Variants in COL15A1 observed in about 807,000 individuals in gnomAD.
The protein encoded by COL15A1 is collagen type XV alpha 1 chain, also known as collagen alpha-1(XV) chain.
A neutral mutation model predicts 165.9 loss-of-function variants in COL15A1; 111 were observed. The observed-to-expected ratio is 0.67, with a 90% CI of 0.57 to 0.78. The LOEUF (loss-of-function observed/expected upper bound fraction) is 0.78. Among genes scored for constraint, COL15A1 ranks in the 30% least tolerant of loss-of-function variants. The probability of loss-of-function intolerance (pLI) is 0.00; values close to 1 mark genes in which losing one functional copy is unlikely to be tolerated. For synonymous variants in COL15A1, 659 were observed against 674.8 expected (o/e 0.98, Z 0.36); for missense variants, 1,745 against 1,789.7 (o/e 0.98, Z 0.45).
At chr9:98,996,333 CT>C (rs890648738) in intron 5 of COL15A1, among the ~76,000 whole-genome samples, 5 of 152,150 alleles carry the variant, frequency 3.3e-5, no homozygotes, top group Non-Finnish European at 5.9e-5. Flanking sequence ...GATGCTGTGA[CT>C]TTTGGAGCCC....
At chr9:99,023,334 G>A (rs548959271) in intron 13 of COL15A1, 23 bp from the exon 14 acceptor site, 14 of 1,582,952 alleles carry the variant, frequency 8.8e-6, no homozygotes, top group Non-Finnish European at 1.2e-5. Flanking sequence ...AATGCAAGTA[G>A]TGGAAATTTC....
chr9:99,065,812 G>C (rs1825883054), intron 39 of COL15A1, among the ~76,000 whole-genome samples: 1 of 151,446 alleles, frequency 6.6e-6, no homozygotes, highest in African/African-American at 2.4e-5. Context: ...GGGCTGCTTG[G>C]GGCCAGTCTG....
chr9:99,020,526 T>C, intron 12 of COL15A1, 84 bp downstream of exon 12: 1 of 967,286 alleles, frequency 1.0e-6, no homozygotes. Flanking sequence ...TTTAGCCCAC[T>C]CTGATCAAGG....
intron 19 of COL15A1, among the ~76,000 whole-genome samples, chr9:99,035,929 T>A (rs1839292994): frequency 6.6e-6 from 1 of 152,116 alleles, no homozygotes; most frequent in Non-Finnish European, 1.5e-5. Context: ...AGCCCTTCAG[T>A]CTAGCACAGA....
intron 7 of COL15A1, among the ~76,000 whole-genome samples, chr9:99,002,453 G>C (rs1401652885): frequency 6.6e-6 from 1 of 152,156 alleles, no homozygotes; most frequent in African/African-American, 2.4e-5. Context: ...AGGAATTCTT[G>C]CTCTCCAGGC....
At chr9:99,046,849 C>T (rs1003125637) in intron 26 of COL15A1, among the ~76,000 whole-genome samples, 1 of 152,186 alleles carries the variant, frequency 6.6e-6, no homozygotes, top group Non-Finnish European at 1.5e-5. Flanking sequence ...TGGCCTGTGC[C>T]CTGTCAACCC....
chr9:99,022,417 T>C (rs144791148), intron 13 of COL15A1, among the ~76,000 whole-genome samples: 46 of 152,258 alleles, frequency 3.0e-4, no homozygotes, highest in African/African-American at 1.0e-3. Context: ...CAGACCTGCT[T>C]CTCCTCCTGG....
intron 5 of COL15A1, among the ~76,000 whole-genome samples, chr9:98,992,579 C>A (rs529790893): frequency 6.6e-6 from 1 of 152,384 alleles, no homozygotes; most frequent in East Asian, 1.9e-4. Flanking sequence ...CTGAAGGGCT[C>A]CTCAGGTGTG....
chr9:98,956,165 G>T (rs1419107935), intron 2 of COL15A1, among the ~76,000 whole-genome samples: 1 of 152,196 alleles, frequency 6.6e-6, no homozygotes, highest in Non-Finnish European at 1.5e-5. Flanking sequence ...AATTAGCTGG[G>T]CGTGGTGGTG....
At chr9:99,048,935 G>A (rs1336223064) in intron 28 of COL15A1, among the ~76,000 whole-genome samples, 1 of 152,028 alleles carries the variant, frequency 6.6e-6, no homozygotes, top group Non-Finnish European at 1.5e-5. Context: ...GCTTCTGTTT[G>A]TGCCACACTG....
chr9:98,946,720 T>C (rs1837590263), intron 2 of COL15A1, among the ~76,000 whole-genome samples: 1 of 152,192 alleles, frequency 6.6e-6, no homozygotes, highest in South Asian at 2.1e-4. Context: ...ACCAGCAGTG[T>C]TTTAAGTGCC....
intron 30 of COL15A1, among the ~76,000 whole-genome samples, chr9:99,051,621 G>A (rs1839589560): frequency 6.6e-6 from 1 of 152,152 alleles, no homozygotes; most frequent in Admixed American, 6.5e-5. Flanking sequence ...ACTTAGAAAT[G>A]TTTTTCCTGG....
At chr9:99,012,212 G>A (rs2118979909) in intron 9 of COL15A1, among the ~76,000 whole-genome samples, 2 of 152,298 alleles carry the variant, frequency 1.3e-5, no homozygotes, top group Middle Eastern at 3.4e-3. Context: ...AACTTGAAAA[G>A]CATTTGGGTT....
intron 2 of COL15A1, among the ~76,000 whole-genome samples, chr9:98,968,227 C>T (rs925966055): frequency 6.6e-6 from 1 of 152,218 alleles, no homozygotes; most frequent in Admixed American, 6.5e-5. Flanking sequence ...CACTTGCAAT[C>T]GTGCTTGGAC....
chr9:99,068,821 C>T, intron 41 of COL15A1, 151 bp downstream of exon 41: 1 of 543,516 alleles, frequency 1.8e-6, no homozygotes, highest in Non-Finnish European at 3.2e-6. Flanking sequence ...AAGCCTTGTC[C>T]TTGGAGTCAG....
At position 99,006,726 on chromosome 9, in the gene COL15A1, C is replaced by T. The variant is rs996682710; in HGVS notation, c.1353+1676C>T. Among the ~76,000 whole-genome samples the T allele has an allele frequency of 2.4e-4, 36 of 152,104 alleles. 1 individual carries two copies. Among genetic ancestry groups the T allele is most frequent in the Admixed American group, 2.3e-3 (35 of 15,270 alleles). On this transcript the variant is annotated intron_variant, in intron 9 of 41. Transcript: ENST00000375001. ...CCTTTCTTTAATGTCTAGGCACTTA[C>T]GACAGAGTGGGAAAGCCAGGGATCA... is the stretch of plus-strand genomic sequence containing the variant.
chr9:98,973,758 G>A (rs780612820), intron 2 of COL15A1, among the ~76,000 whole-genome samples: 3 of 152,220 alleles, frequency 2.0e-5, no homozygotes, highest in Non-Finnish European at 4.4e-5. Context: ...GGTTTGTCCC[G>A]GCCCCTGTTG....
chr9:98,960,197 C>G (rs1393332678), intron 2 of COL15A1, among the ~76,000 whole-genome samples: 1 of 151,966 alleles, frequency 6.6e-6, no homozygotes, highest in Non-Finnish European at 1.5e-5. Context: ...TGCTTGAGGC[C>G]AGGAGTTTGA....
At chr9:99,045,603 C>T (rs530587870) in intron 26 of COL15A1, among the ~76,000 whole-genome samples, 20 of 152,328 alleles carry the variant, frequency 1.3e-4, no homozygotes, top group Admixed American at 9.8e-4. Context: ...TAGGTCATCT[C>T]ATTTCATCTT....
Sources: gnomAD v4.1 joint callset for allele counts (sites outside exome capture counted in the v4.1 genomes callset) on GRCh38, gnomAD v4.1.1 for gene constraint, MANE v1.5 for transcripts, NCBI Gene and HGNC (gene_info 2026-07-23, HGNC 2026-07-21) for gene names.